AFG3L2: variants seen among roughly 807,000 people sequenced by gnomAD.
AFG3L2 encodes the protein AFG3 like matrix AAA peptidase subunit 2, also known as mitochondrial inner membrane m-AAA protease component AFG3L2.
A neutral mutation model predicts 94.5 loss-of-function variants in AFG3L2; 54 were observed. The ratio of observed to expected loss-of-function variants is 0.57; its 90% CI spans 0.46 to 0.72. The LOEUF (loss-of-function observed/expected upper bound fraction) is 0.72. Among genes scored for constraint, AFG3L2 ranks in the 30% least tolerant of loss-of-function variants. The pLI is 0.00. For synonymous variants in AFG3L2, 377 were observed against 365.5 expected, an observed-to-expected ratio of 1.03 and a Z score of -0.36; for missense variants, 754 against 994.9, an observed-to-expected ratio of 0.76 and a Z score of 3.26.
intron 10 of AFG3L2, 50 bp from the exon 11 acceptor site, chr18:12,351,463 G>C: frequency 1.3e-6 from 2 of 1,497,088 alleles, no homozygotes; most frequent in Non-Finnish European, 9.3e-7. Context: ...GAGGCAGAAA[G>C]CAACAGTGCA....
chr18:12,344,114 G>A lies in AFG3L2; in HGVS notation c.1779+18C>T, dbSNP rs370421677. On this transcript the variant is annotated intron_variant, in intron 14 of 16. Transcript: ENST00000269143. ...CTCACCCATGCACTGGCTGCCTAGT[G>A]CAGCTACCCTGCTTCACCTTTAAAA... 17 of 1,607,426 alleles carry A rather than the reference G, an allele frequency of 1.1e-5. No individual in the cohort carries two copies. The African/African-American group carries it at 1.9e-4, about 18-fold the overall frequency.
At chr18:12,365,209 C>T (rs749101069) in intron 5 of AFG3L2, among the ~76,000 whole-genome samples, 4 of 152,282 alleles carry the variant, frequency 2.6e-5, no homozygotes, top group African/African-American at 9.6e-5. Flanking sequence ...GGCACTGCTC[C>T]ACCCCACAGA....
Position 12,329,547 on chromosome 18 carries a change from T to C in AFG3L2, c.*18A>G. ...TGAAACCACAGTGGACAGACTGAGA[T>C]GGCCTCCCTCTGGGCCTCTAGTTGG... is the stretch of plus-strand genomic sequence containing the variant. On this transcript the variant is annotated 3_prime_UTR_variant, in exon 17 of 17. Transcript: ENST00000269143. 2 of 1,609,242 alleles carry C rather than the reference T, an allele frequency of 1.2e-6. No homozygotes were observed. Among genetic ancestry groups the C allele is most frequent in the Non-Finnish European group, 1.7e-6 (2 of 1,176,208 alleles).
chr18:12,353,375 A>G (rs1908383356), intron 9 of AFG3L2, among the ~76,000 whole-genome samples: 1 of 151,888 alleles, frequency 6.6e-6, no homozygotes, highest in Non-Finnish European at 1.5e-5. Context: ...TTAGGCAGGC[A>G]TGGTGGCGCG....
intron 14 of AFG3L2, chr18:12,342,150 G>C (rs1467006648): frequency 6.6e-6 from 1 of 152,208 alleles, no homozygotes; most frequent in Non-Finnish European, 1.5e-5. Context: ...ACAGGCATGA[G>C]CCACTGTACC....
chr18:12,334,325 G>A (rs1439309018), intron 16 of AFG3L2, among the ~76,000 whole-genome samples: 2 of 152,134 alleles, frequency 1.3e-5, no homozygotes, highest in Non-Finnish European at 2.9e-5. Context: ...AGCGTGAGTC[G>A]TGTGAGTACA....
rs373259886 is a variant in AFG3L2, at chr18:12,348,423, G to A, written c.1553-40C>T. 1,048 of 1,503,188 alleles carry A rather than the reference G, an allele frequency of 7.0e-4. 2 individuals are homozygous for A. Among genetic ancestry groups the A allele is most frequent in the Non-Finnish European group, 9.2e-4 (994 of 1,079,544 alleles). 93.1% of individuals were successfully genotyped at this position (1,503,188 alleles called of 1,614,324 possible). ...CAGAACAGCTTACCCACCGAAATAC[G>A]CCCAAACTGATCAGTCACACAATAT... On this transcript the variant is annotated intron_variant, in intron 12 of 16. Coordinates refer to ENST00000269143, the MANE Select transcript of AFG3L2 (RefSeq NM_006796.3).
intron 16 of AFG3L2, among the ~76,000 whole-genome samples, chr18:12,330,111 G>A (rs1482339215): frequency 6.6e-6 from 1 of 152,188 alleles, no homozygotes; most frequent in Admixed American, 6.5e-5. Context: ...GAGGCGGGTG[G>A]ATCACAAGGT....
At position 12,370,893 on chromosome 18, in the gene AFG3L2, C is replaced by G; in HGVS notation, c.248G>C (p.Gly83Ala). The change falls in exon 3 of 17, where the codon GGA becomes GCA. Residue 83 changes from glycine (G) to alanine (A), a missense_variant. By Grantham distance (60) the Gly-to-Ala change is moderately conservative (BLOSUM62 0). This residue lies in a region of AFG3L2 where 236 missense variants were observed against 214.0 expected (regional missense o/e 1.10). Transcript: ENST00000269143. The stretch of plus-strand genomic sequence containing the variant: ...TTCTTTAGGTTCACTAGCTTTTTTT[C>G]CATTTTTTCCATTAGGAAAGTATTT... ...FEKYFPNGKN[G>A]KKASEPKEVM... is the part of the protein sequence containing the mutation. The G allele has an allele frequency of 1.3e-6, 2 of 1,580,306 alleles. No individual in the cohort carries two copies. The highest frequency in any genetic ancestry group is 1.7e-4 in the Middle Eastern group (1 of 5,896).
rs746437793 is a variant in AFG3L2 at position 12,377,007 on chromosome 18, C to T, written c.76G>A (p.Gly26Ser). 2.0e-5 allele frequency: 29 copies of T among 1,461,444 alleles called. No individual in the cohort carries two copies. The highest frequency in any genetic ancestry group is 5.2e-5 in the South Asian group (4 of 76,380). The allele number at this position is 1,461,444 out of a possible 1,614,324, so 90.5% of individuals were successfully genotyped here. Reference protein sequence around the residue: ...PRGLQQLLVPGGVGPGEQPCL... With the variant: ...PRGLQQLLVPSGVGPGEQPCL... The stretch of plus-strand genomic sequence containing the variant: ...GGCTGCTCGCCCGGGCCCACGCCGC[C>T]AGGCACGAGGAGCTGCTGTAGGCCG... The change falls in exon 1 of 17, where the codon GGC becomes AGC. Residue 26 changes from glycine to serine, a missense_variant. By Grantham distance (56) the Gly-to-Ser change is moderately conservative (BLOSUM62 0). Transcript: ENST00000269143.
intron 16 of AFG3L2, among the ~76,000 whole-genome samples, chr18:12,332,123 A>ACT (rs373494831): frequency 1.5e-5 from 2 of 131,712 alleles, no homozygotes; most frequent in African/African-American, 2.9e-5. Context: ...TCATAAAATG[A>ACT]TTTTTTTTTT....
At chr18:12,333,949 T>C (rs188545252) in intron 16 of AFG3L2, among the ~76,000 whole-genome samples, 48 of 152,298 alleles carry the variant, frequency 3.2e-4, no homozygotes, top group Non-Finnish European at 5.6e-4. Flanking sequence ...GACCTCTCTC[T>C]GTTAACAGCT....
chr18:12,349,468 C>A (rs371189233), intron 12 of AFG3L2, among the ~76,000 whole-genome samples: 1 of 152,170 alleles, frequency 6.6e-6, no homozygotes, highest in Non-Finnish European at 1.5e-5. Flanking sequence ...CAGCATTATT[C>A]ATAATAGCCA....
chr18:12,331,654 CG>C (rs1265342264), intron 16 of AFG3L2, among the ~76,000 whole-genome samples: 77 of 152,040 alleles, frequency 5.1e-4, no homozygotes, highest in African/African-American at 1.8e-3. Flanking sequence ...ATTAGCCTGG[CG>C]TTGTGGCACC....
intron 1 of AFG3L2, among the ~76,000 whole-genome samples, chr18:12,375,212 A>G (rs1909109631): frequency 6.6e-6 from 1 of 151,264 alleles, no homozygotes; most frequent in African/African-American, 2.4e-5. Flanking sequence ...CTCAAGGAGT[A>G]AAAATCATGA....
intron 16 of AFG3L2, among the ~76,000 whole-genome samples, chr18:12,334,742 G>GTTCCT (rs1040952417): frequency 1.3e-5 from 2 of 152,296 alleles, no homozygotes; most frequent in African/African-American, 4.8e-5. Flanking sequence ...TCTGGTCTGT[G>GTTCCT]TTCCTGTTCC....
At position 12,337,463 on chromosome 18, in the gene AFG3L2, A is replaced by G. The variant is rs1469113579; in HGVS notation, c.2053T>C (p.Leu685=). The change falls in exon 16 of 17, where the codon TTG becomes CTG. Residue 685 remains leucine (L), a synonymous_variant. Coordinates refer to ENST00000269143, the MANE Select transcript of AFG3L2 (RefSeq NM_006796.3). ...GTGGCTTCACTGTAAGGTTTCTCCA[A>G]TACCATGTCCCCCTGACGTGGGAGG... ...FDLPRQGDMV[L]EKPYSEATAR... The G allele has an allele frequency of 3.1e-6, 5 of 1,614,202 alleles. No homozygotes were observed. Among genetic ancestry groups the G allele is most frequent in the Non-Finnish European group, 4.2e-6 (5 of 1,180,016 alleles).
chr18:12,361,750 C>T (rs1908669213), intron 6 of AFG3L2, among the ~76,000 whole-genome samples: 1 of 152,154 alleles, frequency 6.6e-6, no homozygotes, highest in Admixed American at 6.5e-5. Flanking sequence ...TATTTCTCTC[C>T]AAGTATCTAA....
At chr18:12,343,687 T>C (rs1055357756) in intron 14 of AFG3L2, 6 of 217,224 alleles carry the variant, frequency 2.8e-5, no homozygotes, top group African/African-American at 1.4e-4. Context: ...GATTCGGGCC[T>C]CACCACTTGG....
Sources: gnomAD v4.1 joint callset for allele counts (sites outside exome capture counted in the v4.1 genomes callset) on GRCh38, gnomAD v4.1.1 for gene constraint, gnomAD v4.1.1 regional missense constraint, MANE v1.5 for transcripts, NCBI Gene and HGNC (gene_info 2026-07-23, HGNC 2026-07-21) for gene names.